EFCAB14: variants seen among roughly 807,000 people sequenced by gnomAD.
EFCAB14 encodes the protein EF-hand calcium binding domain 14.
EFCAB14 carries 43 observed loss-of-function variants against 56.5 expected under a neutral mutation model. The observed-to-expected ratio is 0.76, with a 90% confidence interval of 0.60 to 0.98. The LOEUF (loss-of-function observed/expected upper bound fraction) is 0.98, where lower values mean the gene tolerates loss of function less well. Among genes scored for constraint, EFCAB14 ranks in the 50% least tolerant of loss-of-function variants. The pLI is 0.00. For synonymous variants in EFCAB14, 235 were observed against 212.9 expected (o/e 1.10, Z -0.90); for missense variants, 538 against 580.3 (o/e 0.93, Z 0.75).
chr1:46,693,023 C>A (rs11211341), intron 4 of EFCAB14, among the ~76,000 whole-genome samples: 1 of 151,814 alleles, frequency 6.6e-6, no homozygotes, highest in Non-Finnish European at 1.5e-5. Context: ...AAGGACACTT[C>A]GAGCAAAAGT....
At position 46,678,601 on chromosome 1, in the gene EFCAB14, C is replaced by A. The variant is rs371872994; in HGVS notation, c.1348G>T (p.Val450Leu). The A allele has an allele frequency of 4.3e-6, 7 of 1,613,782 alleles. No individual in the cohort carries two copies. Among genetic ancestry groups the A allele is most frequent in the Non-Finnish European group, 5.9e-6 (7 of 1,179,894 alleles). The change falls in exon 11 of 11, where the codon GTG becomes TTG. Residue 450 changes from valine to leucine, a missense_variant. Transcript: ENST00000371933. ...TCCTGGTAGGTCAGCTTCCCATCCACGTCCTGGCCAGTCTTGCGGAATAAA... is the reference window on the plus strand; with the variant it reads ...TCCTGGTAGGTCAGCTTCCCATCCAAGTCCTGGCCAGTCTTGCGGAATAAA... The part of the protein sequence containing the change: ...QDLFRKTGQD[V>L]DGKLTYQEIW...
chr1:46,717,964 C>G lies in EFCAB14; in HGVS notation c.124G>C (p.Glu42Gln), dbSNP rs771934495. The change falls in exon 1 of 11, where the codon GAG becomes CAG. Residue 42 changes from glutamate to glutamine, a missense_variant. By Grantham distance (29) the Glu-to-Gln change is conservative. Coordinates refer to ENST00000371933, the MANE Select transcript of EFCAB14 (RefSeq NM_014774.3). ...TCCTCTTCCTCTTCGGAGCTGGACT[C>G]AGAGTCTGAGTCGGGAGGCTCAGTG... Reference protein sequence around the residue: ...LRTEPPDSDSESSSEEEEEFG... With the variant: ...LRTEPPDSDSQSSSEEEEEFG... 1.2e-6 allele frequency: 2 copies of G among 1,614,224 alleles called. No individual in the cohort carries two copies. Among genetic ancestry groups the G allele is most frequent in the South Asian group, 1.1e-5 (1 of 91,084 alleles).
chr1:46,712,522 G>A (rs1367402921), intron 2 of EFCAB14, among the ~76,000 whole-genome samples: 1 of 152,000 alleles, frequency 6.6e-6, no homozygotes, highest in Admixed American at 6.6e-5. Context: ...AAGCCTATCT[G>A]CTTTGCTTTC....
chr1:46,685,746 T>C (rs1676871092), intron 8 of EFCAB14, among the ~76,000 whole-genome samples: 1 of 152,228 alleles, frequency 6.6e-6, no homozygotes. Context: ...AAATTGCTAC[T>C]ACTTTCTAAT....
chr1:46,688,221 T>A, intron 7 of EFCAB14, 132 bp downstream of exon 7: 1 of 829,730 alleles, frequency 1.2e-6, no homozygotes, highest in Non-Finnish European at 1.9e-6. Context: ...GACAACACAT[T>A]GTGAGGATTA....
intron 7 of EFCAB14, 24 bp downstream of exon 7, chr1:46,688,329 C>A (rs375988910): frequency 6.2e-7 from 1 of 1,607,220 alleles, no homozygotes; most frequent in South Asian, 1.1e-5. Flanking sequence ...CACTGCATGT[C>A]ACAAAAGATC....
At position 46,684,532 on chromosome 1, in the gene EFCAB14, T is replaced by C; in HGVS notation, c.1145A>G (p.Asn382Ser). The change falls in exon 9 of 11, where the codon AAC becomes AGC. Residue 382 changes from asparagine to serine, a missense_variant. Physicochemically the swap from Asn to Ser is conservative, Grantham distance 46. Coordinates refer to ENST00000371933, the MANE Select transcript of EFCAB14 (RefSeq NM_014774.3). ...TGGAGGCCTGTTGCTCTCAGGTTTG[T>C]TTGTAAGAGCACTGATCAGCTGGAG... ...EKLQLISALT[N>S]KPESNRPPET... 1 of 1,614,148 alleles carries C rather than the reference T, an allele frequency of 6.2e-7. No individual in the cohort carries two copies. Among genetic ancestry groups the C allele is most frequent in the Non-Finnish European group, 8.5e-7 (1 of 1,180,006 alleles).
At chr1:46,692,431 T>C (rs1677007791) in intron 4 of EFCAB14, among the ~76,000 whole-genome samples, 1 of 152,238 alleles carries the variant, frequency 6.6e-6, no homozygotes, top group South Asian at 2.1e-4. Context: ...GGTCTTCATG[T>C]GGACTTATAG....
intron 4 of EFCAB14, among the ~76,000 whole-genome samples, chr1:46,695,878 C>G (rs774895775): frequency 3.3e-5 from 5 of 152,190 alleles, no homozygotes; most frequent in Non-Finnish European, 7.4e-5. Context: ...CGAGGTCTCC[C>G]TATGTTGCCC....
intron 2 of EFCAB14, among the ~76,000 whole-genome samples, chr1:46,715,056 T>C (rs1375812791): frequency 6.6e-6 from 1 of 152,178 alleles, no homozygotes; most frequent in Non-Finnish European, 1.5e-5. Flanking sequence ...ATTAATGGTA[T>C]TTAAATGTTT....
chr1:46,704,934 T>C (rs1294153575), intron 3 of EFCAB14, among the ~76,000 whole-genome samples: 1 of 151,476 alleles, frequency 6.6e-6, no homozygotes. Context: ...TCAACTTACA[T>C]TGTGATAAGA....
intron 4 of EFCAB14, among the ~76,000 whole-genome samples, chr1:46,694,875 A>T (rs577801606): frequency 1.3e-5 from 2 of 152,324 alleles, no homozygotes; most frequent in South Asian, 4.1e-4. Flanking sequence ...TGGCAGATAT[A>T]CACCATGGAA....
intron 9 of EFCAB14, chr1:46,684,221 C>A (rs184940488): frequency 2.2e-4 from 88 of 400,960 alleles, no homozygotes; most frequent in African/African-American, 1.6e-3. Context: ...ATGACAGTAA[C>A]ATTTTTGCCT....
At chr1:46,716,248 CAAAAAAAAAAAAAA>C (rs10718376) in intron 2 of EFCAB14, 33 bp downstream of exon 2, 12 of 1,053,862 alleles carry the variant, frequency 1.1e-5, no homozygotes, top group Middle Eastern at 2.9e-4. Flanking sequence ...GACCCTGTCT[CAAAAAAAAAAAAAA>C]AAAAAAAAAA....
chr1:46,692,059 GTAC>G (rs763539305), intron 4 of EFCAB14, 122 bp from the exon 5 acceptor site: 266 of 655,448 alleles, frequency 4.1e-4, no homozygotes, highest in Non-Finnish European at 5.7e-4. Flanking sequence ...TGTGAAACCA[GTAC>G]TACAATCAAG....
chr1:46,716,102 T>C (rs549183413), intron 2 of EFCAB14, among the ~76,000 whole-genome samples, 193 bp downstream of exon 2: 6 of 151,366 alleles, frequency 4.0e-5, no homozygotes, highest in Non-Finnish European at 1.5e-5. Context: ...ACAAAAAAAT[T>C]AGCTGGGTGT....
rs3766216 is a variant in EFCAB14 at position 46,693,531 on chromosome 1, A to G, written c.580-1594T>C. Among the ~76,000 whole-genome samples the G allele has an allele frequency of 5.6e-3, 857 of 152,248 alleles. 10 individuals carry two copies. The highest frequency in any genetic ancestry group is 0.033 in the East Asian group (173 of 5,188). ...GTAAAAGTATCTAAGCTGGTTTGCT[A>G]TCTATGTAAGCTCTGTTGCTATCTA... On this transcript the variant is annotated intron_variant, in intron 4 of 10. Transcript: ENST00000371933.
chr1:46,688,918 G>T (rs1182050654), intron 6 of EFCAB14, among the ~76,000 whole-genome samples: 1 of 152,110 alleles, frequency 6.6e-6, no homozygotes, highest in Non-Finnish European at 1.5e-5. Context: ...CCTACCTCAG[G>T]AACAATACCG....
At chr1:46,712,411 GA>G (rs1677323004) in intron 2 of EFCAB14, among the ~76,000 whole-genome samples, 1 of 150,726 alleles carries the variant, frequency 6.6e-6, no homozygotes, top group South Asian at 2.1e-4. Flanking sequence ...TCTGGTTTTG[GA>G]AAAAAGAATA....
Sources: gnomAD v4.1 joint callset for allele counts (sites outside exome capture counted in the v4.1 genomes callset) on GRCh38, gnomAD v4.1.1 for gene constraint, MANE v1.5 for transcripts, NCBI Gene and HGNC (gene_info 2026-07-23, HGNC 2026-07-21) for gene names.